Variants in OAS1 observed in about 807,000 individuals in gnomAD.
The protein encoded by OAS1 is 2'-5'-oligoadenylate synthetase 1.
In OAS1, 24 loss-of-function variants were observed where a neutral mutation model predicts 38.5. The observed-to-expected ratio is 0.62, with a 90% CI of 0.45 to 0.88. The LOEUF (loss-of-function observed/expected upper bound fraction) is 0.88, where lower values mean the gene tolerates loss of function less well. Ranked by LOEUF, OAS1 falls within the 40% of genes least tolerant of loss-of-function variation. The pLI, the probability that OAS1 is intolerant of heterozygous loss-of-function variation, is 0.00. For synonymous variants in OAS1, 169 were observed against 193.9 expected, an observed-to-expected ratio of 0.87 and a Z score of 1.07; for missense variants, 482 against 493.9, an observed-to-expected ratio of 0.98 and a Z score of 0.23.
chr12:112,907,283 T>TGA (rs150398756), intron 1 of OAS1, 64 bp downstream of exon 1: 1,096 of 1,456,000 alleles, frequency 7.5e-4, no homozygotes, highest in African/African-American at 1.5e-3. Context: ...AGATTGAGAA[T>TGA]GAGAGAGAGA....
downstream of OAS1, among the ~76,000 whole-genome samples, chr12:112,922,394 T>C (rs1244510161): frequency 6.6e-6 from 1 of 152,168 alleles, no homozygotes; most frequent in Admixed American, 6.5e-5. Flanking sequence ...AGTAGTGCCC[T>C]TTCAAGATAC....
intron 2 of OAS1, among the ~76,000 whole-genome samples, chr12:112,910,754 A>T (rs1260981667): frequency 6.6e-6 from 1 of 152,214 alleles, no homozygotes; most frequent in Non-Finnish European, 1.5e-5. Flanking sequence ...ATGTTATGGG[A>T]TGCAGGAAGC....
intron 2 of OAS1, 84 bp downstream of exon 2, chr12:112,908,908 G>C (rs758840121): frequency 6.9e-7 from 1 of 1,443,670 alleles, no homozygotes; most frequent in Non-Finnish European, 9.4e-7. Context: ...TGCCCCAACA[G>C]GGCATCTCTC....
Position 112,919,615 on chromosome 12 carries a change from G to A in OAS1, c.*62G>A, listed in dbSNP as rs1386640101. 1 of 1,613,458 alleles carries A rather than the reference G, an allele frequency of 6.2e-7. No individual in the cohort carries two copies. Among genetic ancestry groups the A allele is most frequent in the South Asian group, 1.1e-5 (1 of 90,968 alleles). ...ATCTGGACCAGTTCCTTCATTTTCA[G>A]GTGGGACTCTTGATCCAGAGAGGAC... On this transcript the variant is annotated 3_prime_UTR_variant, in exon 6 of 6. Transcript: ENST00000202917.
In OAS1 at chr12:112,917,638, TG is replaced by T; in HGVS notation, c.978del (p.Trp326CysfsTer2). ...WRQLAQEAEA[W>X]LNYPCFKNWD... Reference sequence around the variant, plus strand: ...GCAGCTGGCACAAGAGGCTGAGGCCTGGCTGAATTACCCATGCTTTAAGAAT... The same window carrying T: ...GCAGCTGGCACAAGAGGCTGAGGCCTGCTGAATTACCCATGCTTTAAGAAT... On this transcript the variant is annotated frameshift_variant, in exon 5 of 6. Transcript: ENST00000202917. LOFTEE classifies it high-confidence loss of function. 2 of 1,614,212 alleles carry T rather than the reference TG, an allele frequency of 1.2e-6. No homozygotes were observed. Among genetic ancestry groups the T allele is most frequent in the Non-Finnish European group, 1.7e-6 (2 of 1,180,040 alleles).
At chr12:112,928,970 TC>T (rs1431198139) in intron 6 of OAS1, among the ~76,000 whole-genome samples, 1 of 152,170 alleles carries the variant, frequency 6.6e-6, no homozygotes, top group Non-Finnish European at 1.5e-5. Flanking sequence ...CCTCTGTAAG[TC>T]CCTTTCCCAG....
At chr12:112,932,174 G>T, downstream of OAS1, 1 of 393,310 alleles carries the variant, frequency 2.5e-6, no homozygotes, top group South Asian at 5.8e-5. Context: ...CTCTCTCTCT[G>T]TCCCTCATTA....
intron 3 of OAS1, among the ~76,000 whole-genome samples, chr12:112,914,306 G>C (rs530534852): frequency 1.3e-5 from 2 of 152,278 alleles, no homozygotes; most frequent in East Asian, 3.9e-4. Context: ...TGGTGTGTTT[G>C]TGTGTGTATA....
At position 112,919,422 on chromosome 12, in the gene OAS1, G is replaced by T. The variant is rs771818638; in HGVS notation, c.1072G>T (p.Asp358Tyr). The T allele has an allele frequency of 9.3e-6, 15 of 1,613,894 alleles. No homozygotes were observed. ...CAACAGTGCAGACGATGAGACCGAC[G>T]ATCCCAGGAGGTATCAGAAATATGG... is the stretch of plus-strand genomic sequence containing the variant. ...ESNSADDETD[D>Y]PRRYQKYGYI... Residue 358 changes from aspartate to tyrosine, a missense_variant, in exon 6 of 6, where the codon GAT becomes TAT. Physicochemically the swap from Asp to Tyr is radical, Grantham distance 160. Transcript: ENST00000202917.
chr12:112,917,027 A>G, intron 4 of OAS1: 1 of 407,952 alleles, frequency 2.5e-6, no homozygotes, highest in African/African-American at 2.0e-5. Context: ...TGCAGTTTGA[A>G]CTGAAATAAG....
intron 3 of OAS1, among the ~76,000 whole-genome samples, chr12:112,912,303 G>A (rs1487486950): frequency 6.6e-6 from 1 of 152,138 alleles, no homozygotes; most frequent in Admixed American, 6.5e-5. Flanking sequence ...TTGCACTACT[G>A]CCCTCCAGCC....
At chr12:112,930,444 C>G (rs7298184) in intron 6 of OAS1, among the ~76,000 whole-genome samples, 1 of 152,142 alleles carries the variant, frequency 6.6e-6, no homozygotes, top group Non-Finnish European at 1.5e-5. Context: ...TGTTAGGCCC[C>G]AGTGCAAGGC....
intron 2 of OAS1, among the ~76,000 whole-genome samples, chr12:112,910,795 G>A (rs2043365275): frequency 6.6e-6 from 1 of 152,176 alleles, no homozygotes; most frequent in Non-Finnish European, 1.5e-5. Context: ...CTAGGTGCCA[G>A]GTTGAGAACA....
chr12:112,917,864 C>A, intron 5 of OAS1, 164 bp downstream of exon 5: 1 of 1,519,512 alleles, frequency 6.6e-7, no homozygotes, highest in Non-Finnish European at 8.8e-7. Flanking sequence ...TCATTTTGGT[C>A]ACAATCGAGG....
intron 5 of OAS1, chr12:112,918,003 T>C: frequency 1.5e-5 from 17 of 1,151,892 alleles, no homozygotes; most frequent in Non-Finnish European, 1.9e-5. Flanking sequence ...TAATATGCAC[T>C]CTCTCATTAA....
chr12:112,923,381 C>T (rs1182450503), downstream of OAS1, among the ~76,000 whole-genome samples: 1 of 152,166 alleles, frequency 6.6e-6, no homozygotes, highest in Non-Finnish European at 1.5e-5. Flanking sequence ...ATCTTTTGTT[C>T]ATTCTTTAAA....
chr12:112,923,191 T>C (rs1287365692), downstream of OAS1, among the ~76,000 whole-genome samples: 5 of 152,242 alleles, frequency 3.3e-5, no homozygotes, highest in Non-Finnish European at 1.5e-5. Flanking sequence ...GCAGTAAACA[T>C]GGGAATGCAG....
intron 1 of OAS1, among the ~76,000 whole-genome samples, chr12:112,908,098 G>A (rs1478904126): frequency 1.3e-5 from 2 of 152,118 alleles, no homozygotes; most frequent in Non-Finnish European, 2.9e-5. Flanking sequence ...GCTCCTCCAG[G>A]GCCCAGCCTT....
chr12:112,914,316 A>G (rs955239052), intron 3 of OAS1, among the ~76,000 whole-genome samples: 9 of 152,146 alleles, frequency 5.9e-5, no homozygotes, highest in Non-Finnish European at 1.0e-4. Context: ...GTGTGTGTAT[A>G]ACATTTTTCT....
Sources: allele counts gnomAD v4.1 joint callset (sites outside exome capture counted in the v4.1 genomes callset), GRCh38; gene constraint gnomAD v4.1.1; transcripts MANE v1.5; gene names NCBI Gene and HGNC (gene_info 2026-07-23, HGNC 2026-07-21).